CFAP70: variants seen among roughly 807,000 people sequenced by gnomAD.
The protein encoded by CFAP70 is cilia and flagella associated protein 70, also known as cilia- and flagella-associated protein 70.
CFAP70 carries 81 observed loss-of-function variants against 137.6 expected under a neutral mutation model. The ratio of observed to expected loss-of-function variants is 0.59; its 90% CI spans 0.49 to 0.71. CFAP70 has a LOEUF of 0.71. Ranked by LOEUF, CFAP70 falls within the 30% of genes least tolerant of loss-of-function variation. The pLI is 0.00. For synonymous variants in CFAP70, 382 were observed against 423.6 expected, an observed-to-expected ratio of 0.90 and a Z score of 1.20; for missense variants, 976 against 1,226.7, an observed-to-expected ratio of 0.80 and a Z score of 3.05.
chr10:73,257,313 G>T (rs116744324), intron 25 of CFAP70, among the ~76,000 whole-genome samples: 1 of 152,202 alleles, frequency 6.6e-6, no homozygotes, highest in African/African-American at 2.4e-5. Context: ...GAAAAAGTAG[G>T]TATCAGAATT....
At chr10:73,279,369 A>G (rs1271668457) in intron 19 of CFAP70, among the ~76,000 whole-genome samples, 2 of 151,348 alleles carry the variant, frequency 1.3e-5, no homozygotes, top group African/African-American at 4.9e-5. Context: ...CTAAAAATAC[A>G]AAAAATTAGC....
At chr10:73,356,145 C>A (rs2054659407) in intron 1 of CFAP70, among the ~76,000 whole-genome samples, 1 of 151,698 alleles carries the variant, frequency 6.6e-6, no homozygotes, top group African/African-American at 2.4e-5. Flanking sequence ...AGGGCACAAA[C>A]AATTTCGATA....
At chr10:73,277,684 G>A (rs924692562) in intron 20 of CFAP70, among the ~76,000 whole-genome samples, 23 of 151,000 alleles carry the variant, frequency 1.5e-4, no homozygotes, top group Non-Finnish European at 2.6e-4. Flanking sequence ...CTGCACTCCA[G>A]CCTGGCAACA....
In CFAP70 at chr10:73,341,388, C is replaced by G; in HGVS notation, c.582+11G>C. 6.3e-7 allele frequency: 1 copy of G among 1,592,780 alleles called. No individual in the cohort carries two copies. The highest frequency in any genetic ancestry group is 8.6e-7 in the Non-Finnish European group (1 of 1,168,666). ...AAGTTTATCACAAAAACCTGTATAT[C>G]AGGCTCTCACCTCAGGATGGTTGAG... On this transcript the variant is annotated intron_variant, in intron 6 of 26. Transcript: ENST00000310715.
At chr10:73,350,957 A>G (rs1235567105) in intron 3 of CFAP70, among the ~76,000 whole-genome samples, 4 of 142,696 alleles carry the variant, frequency 2.8e-5, no homozygotes, top group African/African-American at 2.6e-5. Context: ...GTGTGTGTGT[A>G]TGTGTGTGTA....
intron 1 of CFAP70, among the ~76,000 whole-genome samples, chr10:73,357,274 T>C (rs1411632504): frequency 6.6e-6 from 1 of 152,206 alleles, no homozygotes; most frequent in Non-Finnish European, 1.5e-5. Context: ...GAGAAGTTTG[T>C]TATCTTACCA....
At chr10:73,351,071 GTATATA>G (rs1158760266) in intron 3 of CFAP70, among the ~76,000 whole-genome samples, 531 of 31,346 alleles carry the variant, frequency 0.017, 15 homozygotes, top group Admixed American at 0.097. Context: ...GTGTGTGTGT[GTATATA>G]TATATATATA....
chr10:73,335,559 G>A, intron 6 of CFAP70, 35 bp from the exon 8 acceptor site: 1 of 1,488,360 alleles, frequency 6.7e-7, no homozygotes, highest in Non-Finnish European at 9.3e-7. Context: ...CTCGGTATGT[G>A]TGCCATGACT....
chr10:73,308,837 A>G (rs2049649233), intron 12 of CFAP70, among the ~76,000 whole-genome samples: 1 of 151,522 alleles, frequency 6.6e-6, no homozygotes, highest in Non-Finnish European at 1.5e-5. Flanking sequence ...CTTTAGACAA[A>G]TGAAAACAAA....
At chr10:73,262,039 G>GTATATAT (rs1183987099) in intron 25 of CFAP70, among the ~76,000 whole-genome samples, 4 of 135,652 alleles carry the variant, frequency 2.9e-5, no homozygotes, top group Admixed American at 7.3e-5. Flanking sequence ...ATGTATATAT[G>GTATATAT]TATATATTAT....
rs568777397 is a variant in CFAP70 at position 73,334,985 on chromosome 10, G to A, written c.677+445C>T. On this transcript the variant is annotated intron_variant, in intron 7 of 26. Transcript: ENST00000310715. ...TGCAGCCTCAACCTCCTGGGCTCAAGCAATCCTATCATGTCAGCCTCACAA... is the reference window on the plus strand; with the variant it reads ...TGCAGCCTCAACCTCCTGGGCTCAAACAATCCTATCATGTCAGCCTCACAA... Among the ~76,000 whole-genome samples, 17 of 149,816 alleles carry A rather than the reference G, an allele frequency of 1.1e-4. No homozygotes were observed. In the East Asian group the frequency reaches 3.0e-3, roughly 26 times the overall value.
In CFAP70 at chr10:73,257,873, CTTCT is replaced by C. The variant is rs1445781899; in HGVS notation, c.3028-1461_3028-1458del. On this transcript the variant is annotated intron_variant, in intron 25 of 26. Coordinates refer to ENST00000310715, the Ensembl canonical transcript of CFAP70. Reference sequence around the variant, plus strand: ...TACATTTCTTCTTCTTCTCCTTTTCCTTCTTTTTTTTTTTTTTTTTTTGAGACGG... The same window carrying C: ...TACATTTCTTCTTCTTCTCCTTTTCCTTTTTTTTTTTTTTTTTTGAGACGG... Among the ~76,000 whole-genome samples the C allele has an allele frequency of 2.8e-5, 4 of 141,084 alleles. No homozygotes were observed. The South Asian group carries it at 7.1e-4, about 25-fold the overall frequency. The allele number at this position is 141,084 out of a possible 152,430, so 92.6% of individuals were successfully genotyped here.
chr10:73,272,829 C>T, intron 24 of CFAP70, 99 bp downstream of exon 25: 1 of 1,028,202 alleles, frequency 9.7e-7, no homozygotes, highest in Non-Finnish European at 1.5e-6. Flanking sequence ...GCCCTGATTG[C>T]TATTCCAATG....
At chr10:73,350,039 T>C (rs574766896) in intron 3 of CFAP70, among the ~76,000 whole-genome samples, 1 of 152,328 alleles carries the variant, frequency 6.6e-6, no homozygotes, top group East Asian at 1.9e-4. Flanking sequence ...CATTTCCCAA[T>C]TATCCCCAAA....
chr10:73,324,246 CA>C (rs2051163851), intron 8 of CFAP70, among the ~76,000 whole-genome samples: 1 of 152,200 alleles, frequency 6.6e-6, no homozygotes, highest in African/African-American at 2.4e-5. Flanking sequence ...GGACCTCTAG[CA>C]AACTTCAACA....
Position 73,331,278 on chromosome 10 carries a change from T to C in CFAP70, c.678-2A>G. On this transcript the variant is annotated splice_acceptor_variant, in intron 7 of 26. Coordinates refer to ENST00000310715, the Ensembl canonical transcript of CFAP70. LOFTEE classifies it high-confidence loss of function. ...CAATCGGCAATTCGCTTCTGAAAAC[T>C]GCAAATCAAGAATCAGTCCATTAGC... The C allele has an allele frequency of 6.2e-7, 1 of 1,611,814 alleles. No homozygotes were observed. Among genetic ancestry groups the C allele is most frequent in the Non-Finnish European group, 8.5e-7 (1 of 1,178,794 alleles).
At chr10:73,361,609 GA>G (rs1248899542), upstream of CFAP70, among the ~76,000 whole-genome samples, 8 of 152,014 alleles carry the variant, frequency 5.3e-5, no homozygotes, top group Non-Finnish European at 8.8e-5. Context: ...CAATTTCAGG[GA>G]AAAAAACTAT....
At chr10:73,336,580 CTTTT>C (rs58611619) in intron 6 of CFAP70, among the ~76,000 whole-genome samples, 75 of 124,236 alleles carry the variant, frequency 6.0e-4, no homozygotes, top group African/African-American at 2.3e-3. Flanking sequence ...TACTATTTTC[CTTTT>C]TTTTTTTTTT....
intron 15 of CFAP70, 57 bp downstream of exon 16, chr10:73,296,985 T>C (rs2048589233): frequency 3.2e-6 from 5 of 1,571,516 alleles, no homozygotes; most frequent in Middle Eastern, 1.7e-4. Flanking sequence ...GAATTATTCA[T>C]AGAAGACTCT....
Sources: gnomAD v4.1 joint callset for allele counts (sites outside exome capture counted in the v4.1 genomes callset) on GRCh38, gnomAD v4.1.1 for gene constraint, MANE v1.5 for transcripts, NCBI Gene and HGNC (gene_info 2026-07-23, HGNC 2026-07-21) for gene names.